FHOD3: variants seen among roughly 807,000 people sequenced by gnomAD.
FHOD3 encodes formin homology 2 domain containing 3, also known as FH1/FH2 domain-containing protein 3.
In FHOD3, 90 loss-of-function variants were observed where a neutral mutation model predicts 173.0. The observed-to-expected ratio is 0.52, with a 90% CI of 0.44 to 0.62. The LOEUF (loss-of-function observed/expected upper bound fraction) is 0.62. FHOD3 is among the 20% of genes least tolerant of loss of function. FHOD3 has a pLI of 0.00. For missense variants in FHOD3, 1,945 were observed against 2,034.7 expected (o/e 0.96, Z 0.85); for synonymous variants, 828 against 823.0 (o/e 1.01, Z -0.10).
chr18:36,693,086 G>C, intron 16 of FHOD3, 123 bp from the exon 17 acceptor site: 1 of 972,592 alleles, frequency 1.0e-6, no homozygotes, highest in Non-Finnish European at 1.6e-6. Flanking sequence ...TCTCCAGCCA[G>C]CCCTGCACTG....
chr18:36,671,655 A>G (rs189870854), intron 14 of FHOD3, among the ~76,000 whole-genome samples: 3 of 152,238 alleles, frequency 2.0e-5, no homozygotes. Context: ...CGAAAGTGAT[A>G]GGTTTCATTG....
At chr18:36,702,920 C>T (rs747702378) in intron 17 of FHOD3, among the ~76,000 whole-genome samples, 1 of 152,216 alleles carries the variant, frequency 6.6e-6, no homozygotes, top group Non-Finnish European at 1.5e-5. Flanking sequence ...CTGTGATTAA[C>T]AGCCCGAGCT....
intron 24 of FHOD3, among the ~76,000 whole-genome samples, chr18:36,748,872 A>G (rs1218937746): frequency 6.6e-6 from 1 of 152,110 alleles, no homozygotes; most frequent in Non-Finnish European, 1.5e-5. Flanking sequence ...TGAGAGCCCC[A>G]AGGACTGTGC....
intron 14 of FHOD3, among the ~76,000 whole-genome samples, chr18:36,658,636 A>G (rs1474557094): frequency 6.6e-6 from 1 of 152,238 alleles, no homozygotes; most frequent in Non-Finnish European, 1.5e-5. Context: ...AAAGAATTGT[A>G]TGGGTACATG....
At chr18:36,310,325 G>A (rs1465120712) in intron 1 of FHOD3, among the ~76,000 whole-genome samples, 1 of 152,196 alleles carries the variant, frequency 6.6e-6, no homozygotes, top group East Asian at 1.9e-4. Flanking sequence ...AATGCAAAGT[G>A]AAGTAACAAC....
chr18:36,330,790 G>T (rs929044730), intron 1 of FHOD3, among the ~76,000 whole-genome samples: 1 of 152,196 alleles, frequency 6.6e-6, no homozygotes, highest in East Asian at 1.9e-4. Context: ...CCACATCAGG[G>T]TTAGGGGGTC....
At chr18:36,704,506 C>T (rs2039761406) in intron 17 of FHOD3, among the ~76,000 whole-genome samples, 1 of 152,212 alleles carries the variant, frequency 6.6e-6, no homozygotes, top group Non-Finnish European at 1.5e-5. Context: ...TGTGTCCTTC[C>T]TCCATCCAGG....
chr18:36,446,538 C>G (rs893927172), intron 3 of FHOD3, among the ~76,000 whole-genome samples: 8 of 152,094 alleles, frequency 5.3e-5, no homozygotes, highest in Admixed American at 5.2e-4. Context: ...CAGATTGAAC[C>G]CTTTTTGAAT....
intron 1 of FHOD3, among the ~76,000 whole-genome samples, chr18:36,333,083 T>C (rs1181676039): frequency 1.3e-5 from 2 of 152,226 alleles, no homozygotes; most frequent in African/African-American, 4.8e-5. Flanking sequence ...CCTTAGCCAA[T>C]GGCAGCCTCA....
At chr18:36,592,753 A>C (rs1369981628) in intron 6 of FHOD3, among the ~76,000 whole-genome samples, 1 of 152,090 alleles carries the variant, frequency 6.6e-6, no homozygotes, top group Non-Finnish European at 1.5e-5. Flanking sequence ...GCTTTGTCCT[A>C]AGGTGGGGGC....
At chr18:36,587,991 G>A (rs1907480337) in intron 6 of FHOD3, among the ~76,000 whole-genome samples, 1 of 152,176 alleles carries the variant, frequency 6.6e-6, no homozygotes, top group Non-Finnish European at 1.5e-5. Flanking sequence ...GGACCACATG[G>A]GTTCGGTGCT....
Position 36,652,143 on chromosome 18 carries a change from T to G in FHOD3, c.1287-427T>G, listed in dbSNP as rs1181123499. Among the ~76,000 whole-genome samples the G allele has an allele frequency of 2.6e-5, 4 of 152,240 alleles. 1 individual carries two copies. Among genetic ancestry groups the G allele is most frequent in the South Asian group, 4.1e-4 (2 of 4,828 alleles). On this transcript the variant is annotated intron_variant, in intron 11 of 28. Coordinates refer to ENST00000590592, the MANE Select transcript of FHOD3 (RefSeq NM_001281740.3). ...TACCTCTTCCTCAAGGTTGGGCTTTTTAGCAGGAGGACAGATCTGCTATTT... is the reference window on the plus strand; with the variant it reads ...TACCTCTTCCTCAAGGTTGGGCTTTGTAGCAGGAGGACAGATCTGCTATTT...
At chr18:36,475,963 A>G (rs938515030) in intron 3 of FHOD3, among the ~76,000 whole-genome samples, 1 of 152,216 alleles carries the variant, frequency 6.6e-6, no homozygotes, top group Non-Finnish European at 1.5e-5. Flanking sequence ...CAAAATGTAC[A>G]ATTACTAGGT....
At chr18:36,387,598 A>G (rs778001871) in intron 3 of FHOD3, among the ~76,000 whole-genome samples, 11 of 152,238 alleles carry the variant, frequency 7.2e-5, no homozygotes, top group Non-Finnish European at 8.8e-5. Context: ...AATGCAGTAC[A>G]TATATGAAGC....
intron 4 of FHOD3, 99 bp downstream of exon 4, chr18:36,502,098 A>AATTTAGATTACAATATTTAT (rs2146050925): frequency 1.5e-6 from 1 of 651,338 alleles, no homozygotes; most frequent in Non-Finnish European, 2.6e-6. Context: ...AGGAAGGACA[A>AATTTAGATTACAATATTTAT]ATTTAGATTA....
At chr18:36,345,950 A>G (rs563697059) in intron 1 of FHOD3, among the ~76,000 whole-genome samples, 4 of 152,374 alleles carry the variant, frequency 2.6e-5, no homozygotes, top group African/African-American at 9.6e-5. Flanking sequence ...TGAAGTAAGC[A>G]GTTATCTTTC....
At chr18:36,716,779 AAG>A (rs552913730) in intron 18 of FHOD3, among the ~76,000 whole-genome samples, 338 of 152,314 alleles carry the variant, frequency 2.2e-3, no homozygotes, top group Middle Eastern at 0.017. Flanking sequence ...AGAAAAGAAA[AAG>A]AGAAATTGGA....
At chr18:36,619,177 A>G (rs756769776) in intron 9 of FHOD3, among the ~76,000 whole-genome samples, 40 of 152,168 alleles carry the variant, frequency 2.6e-4, no homozygotes, top group Non-Finnish European at 8.8e-5. Context: ...ATACAGAGAT[A>G]AAATATCTGT....
At chr18:36,471,842 T>C (rs1214506423) in intron 3 of FHOD3, among the ~76,000 whole-genome samples, 1 of 152,194 alleles carries the variant, frequency 6.6e-6, no homozygotes, top group African/African-American at 2.4e-5. Flanking sequence ...ACAATTTTGT[T>C]TCTATCCCGG....
Sources: allele counts gnomAD v4.1 joint callset (sites outside exome capture counted in the v4.1 genomes callset), GRCh38; gene constraint gnomAD v4.1.1; transcripts MANE v1.5; gene names NCBI Gene and HGNC (gene_info 2026-07-23, HGNC 2026-07-21).